DHX40: variants seen among roughly 807,000 people sequenced by gnomAD.
DHX40 encodes the protein DEAH-box helicase 40, also known as probable ATP-dependent RNA helicase DHX40.
In DHX40, 28 loss-of-function variants were observed where a neutral mutation model predicts 89.6. The observed-to-expected ratio is 0.31, with a 90% CI of 0.23 to 0.43. The LOEUF (loss-of-function observed/expected upper bound fraction) is 0.43. Among genes scored for constraint, DHX40 ranks in the 20% least tolerant of loss-of-function variants. The pLI is 1.00. For synonymous variants in DHX40, 226 were observed against 283.6 expected, an observed-to-expected ratio of 0.80 and a Z score of 2.04; for missense variants, 457 against 844.0, an observed-to-expected ratio of 0.54 and a Z score of 5.68.
chr17:59,606,460 A>C (rs939097123), intron 17 of DHX40, among the ~76,000 whole-genome samples: 1 of 152,124 alleles, frequency 6.6e-6, no homozygotes, highest in Non-Finnish European at 1.5e-5. Context: ...GTTAGCCACT[A>C]GGGAGGCCAG....
Position 59,566,772 on chromosome 17 carries a change from C to G in DHX40, c.258C>G (p.Leu86=). The stretch of plus-strand genomic sequence containing the variant: ...CAGGAAGTGGTAAAACAACTCAACT[C>G]CCAAAATATCTATATGAAGCAGGTG... ...GNTGSGKTTQ[L]PKYLYEAGFS... Residue 86 remains leucine, a synonymous_variant, in exon 2 of 18, where the codon CTC becomes CTG. Coordinates refer to ENST00000251241, the MANE Select transcript of DHX40 (RefSeq NM_024612.5). The G allele has an allele frequency of 6.3e-7, 1 of 1,583,182 alleles. No homozygotes were observed.
intron 12 of DHX40, among the ~76,000 whole-genome samples, chr17:59,590,372 T>C (rs2049064288): frequency 6.7e-6 from 1 of 150,024 alleles, no homozygotes; most frequent in South Asian, 2.2e-4. Flanking sequence ...TAATTTATTA[T>C]TGCCATGATT....
chr17:59,607,376 A>C lies in DHX40; in HGVS notation c.*204A>C. The C allele has an allele frequency of 2.1e-6, 2 of 950,032 alleles. No individual in the cohort carries two copies. Among genetic ancestry groups the C allele is most frequent in the Non-Finnish European group, 3.2e-6 (2 of 625,832 alleles). The allele number at this position is 950,032 out of a possible 1,614,324, so 58.9% of individuals were successfully genotyped here. A position where few individuals can be genotyped will look rare whatever the true frequency, so the allele number is the denominator to read the frequency against. On this transcript the variant is annotated 3_prime_UTR_variant, in exon 18 of 18. Coordinates refer to ENST00000251241, the MANE Select transcript of DHX40 (RefSeq NM_024612.5). The stretch of plus-strand genomic sequence containing the variant: ...GTCAAAGAAAAGATTTGGTTGCCAT[A>C]GTCATAAGCAATGATACATGAAACC...
intron 2 of DHX40, among the ~76,000 whole-genome samples, chr17:59,567,135 G>C (rs1401073554): frequency 1.3e-5 from 2 of 152,204 alleles, no homozygotes; most frequent in Non-Finnish European, 2.9e-5. Context: ...GATATCTGTT[G>C]CTGCCATTAG....
chr17:59,577,109 T>A (rs1283847594), intron 7 of DHX40, 157 bp from the exon 8 acceptor site: 1 of 672,542 alleles, frequency 1.5e-6, no homozygotes, highest in Non-Finnish European at 2.7e-6. Context: ...GACCTTGTGA[T>A]CCTCCCGCCT....
At chr17:59,588,961 T>G (rs977087979) in intron 12 of DHX40, among the ~76,000 whole-genome samples, 3 of 152,178 alleles carry the variant, frequency 2.0e-5, no homozygotes, top group African/African-American at 7.2e-5. Flanking sequence ...TGAAATGCCT[T>G]CGCTTCTTTG....
intron 4 of DHX40, among the ~76,000 whole-genome samples, chr17:59,573,450 C>T (rs2048838120): frequency 6.6e-6 from 1 of 152,144 alleles, no homozygotes; most frequent in Admixed American, 6.6e-5. Flanking sequence ...CCATCTCAAC[C>T]TCCTGAGTTG....
intron 3 of DHX40, 67 bp from the exon 4 acceptor site, chr17:59,573,049 C>G (rs2048832911): frequency 1.5e-5 from 23 of 1,531,268 alleles, no homozygotes; most frequent in Non-Finnish European, 1.9e-5. Context: ...ATGTTTGTAC[C>G]TCTTGAGGAA....
intron 12 of DHX40, among the ~76,000 whole-genome samples, 179 bp downstream of exon 12, chr17:59,588,232 A>AAACC (rs1567880367): frequency 6.8e-6 from 1 of 148,088 alleles, no homozygotes; most frequent in African/African-American, 2.6e-5. Flanking sequence ...AAAAAAAAAA[A>AAACC]AAAAAAAAAC....
chr17:59,595,362 C>T (rs183393915), intron 12 of DHX40, among the ~76,000 whole-genome samples: 1 of 152,104 alleles, frequency 6.6e-6, no homozygotes. Context: ...GGATTACAGG[C>T]GTGAGCCATG....
chr17:59,606,535 A>G (rs2030862838), intron 17 of DHX40, among the ~76,000 whole-genome samples: 1 of 152,174 alleles, frequency 6.6e-6, no homozygotes, highest in Non-Finnish European at 1.5e-5. Flanking sequence ...TCACGAGGTC[A>G]GGAGATCGAG....
intron 2 of DHX40, among the ~76,000 whole-genome samples, chr17:59,569,415 G>A (rs2048756396): frequency 6.6e-6 from 1 of 151,378 alleles, no homozygotes; most frequent in Non-Finnish European, 1.5e-5. Context: ...TGGGAAGTGT[G>A]TGGAATTTTA....
At chr17:59,572,005 T>C (rs2048816746) in intron 3 of DHX40, among the ~76,000 whole-genome samples, 1 of 152,236 alleles carries the variant, frequency 6.6e-6, no homozygotes, top group Admixed American at 6.5e-5. Context: ...TTATTTTATG[T>C]GTTTGTATTC....
intron 12 of DHX40, among the ~76,000 whole-genome samples, chr17:59,593,853 T>C (rs1161266582): frequency 2.0e-5 from 3 of 151,726 alleles, no homozygotes; most frequent in Non-Finnish European, 4.4e-5. Flanking sequence ...AGCCCAGATC[T>C]ACTGTTGAGC....
At chr17:59,577,470 C>G (rs960341593) in intron 8 of DHX40, 105 bp downstream of exon 8, 30 of 804,704 alleles carry the variant, frequency 3.7e-5, no homozygotes, top group Non-Finnish European at 5.3e-5. Flanking sequence ...TAATTCCCTT[C>G]TCTCCTACTT....
rs1031489711 is a variant in DHX40, at chr17:59,607,720, GACTT to G, written c.*550_*553del. 5 of 155,436 alleles carry G rather than the reference GACTT, an allele frequency of 3.2e-5. No individual in the cohort carries two copies. Among genetic ancestry groups the G allele is most frequent in the Non-Finnish European group, 7.1e-5 (5 of 70,028 alleles). The allele number at this position is 155,436 out of a possible 1,614,324, so 9.6% of individuals were successfully genotyped here. On this transcript the variant is annotated 3_prime_UTR_variant, in exon 18 of 18. Transcript: ENST00000251241. ...GAGCTTTATAGATATTTAGAGAAAA[GACTT>G]AATCAATTAGTAAATAAAATTGCCT...
At chr17:59,606,961 C>T (rs2030899263) in intron 17 of DHX40, 72 bp from the exon 18 acceptor site, 3 of 1,378,196 alleles carry the variant, frequency 2.2e-6, no homozygotes, top group Non-Finnish European at 3.0e-6. Flanking sequence ...ATCAGGGCTT[C>T]TCTTTCTCTT....
chr17:59,570,820 C>T (rs1168134788), intron 3 of DHX40, among the ~76,000 whole-genome samples, 157 bp downstream of exon 3: 1 of 152,098 alleles, frequency 6.6e-6, no homozygotes, highest in Non-Finnish European at 1.5e-5. Flanking sequence ...GTAGCTGGGA[C>T]TACAGGAGCA....
chr17:59,566,228 A>G (rs2048703159), intron 1 of DHX40, among the ~76,000 whole-genome samples: 1 of 152,116 alleles, frequency 6.6e-6, no homozygotes, highest in African/African-American at 2.4e-5. Flanking sequence ...TGAACCATGA[A>G]TCAGAAGCAA....
Sources: allele counts gnomAD v4.1 joint callset (sites outside exome capture counted in the v4.1 genomes callset), GRCh38; gene constraint gnomAD v4.1.1; transcripts MANE v1.5; gene names NCBI Gene and HGNC (gene_info 2026-07-23, HGNC 2026-07-21).